The following CCDC40 variants were observed in gnomAD, a reference collection of about 807,000 sequenced individuals.
CCDC40 encodes the protein coiled-coil domain-containing protein 40.
CCDC40 carries 104 observed loss-of-function variants against 124.5 expected under a neutral mutation model. That is an observed-to-expected ratio of 0.84 (90% CI 0.71 to 0.98). The LOEUF (loss-of-function observed/expected upper bound fraction) is 0.98, where lower values mean the gene tolerates loss of function less well. CCDC40 is among the 50% of genes least tolerant of loss of function. The pLI is 0.00. For synonymous variants in CCDC40, 580 were observed against 602.9 expected (o/e 0.96, Z 0.56); for missense variants, 1,463 against 1,503.9 (o/e 0.97, Z 0.45).
intron 7 of CCDC40, among the ~76,000 whole-genome samples, chr17:80,054,207 A>G (rs961696506): frequency 1.3e-5 from 2 of 152,206 alleles, no homozygotes; most frequent in Non-Finnish European, 2.9e-5. Flanking sequence ...TTATCTGGCA[A>G]TAAAAAGGAG....
rs2037580927 is a variant in CCDC40, at chr17:80,051,284, A to T, written c.1159+1001A>T. 7.1e-6 allele frequency: 7 copies of T among 980,020 alleles called. No homozygotes were observed. The South Asian group carries it at 2.8e-4, about 40-fold the overall frequency. 60.7% of individuals were successfully genotyped at this position (980,020 alleles called of 1,614,324 possible). A position where few individuals can be genotyped will look rare whatever the true frequency, so the allele number is the denominator to read the frequency against. ...AAAGAAACATTTTAAACCCTGAGAA[A>T]AGTGGAAGAGGTTCTGGAAATTTCA... is the stretch of plus-strand genomic sequence containing the variant. On this transcript the variant is annotated intron_variant, in intron 7 of 19. Transcript: ENST00000397545.
intron 17 of CCDC40, among the ~76,000 whole-genome samples, chr17:80,094,247 GAAA>G (rs56368314): frequency 7.5e-6 from 1 of 133,592 alleles, no homozygotes; most frequent in Non-Finnish European, 1.6e-5. Context: ...TGTCTCTACT[GAAA>G]AAAAAAAAAA....
At chr17:80,075,758 C>T (rs1433813988) in intron 10 of CCDC40, among the ~76,000 whole-genome samples, 2 of 152,094 alleles carry the variant, frequency 1.3e-5, no homozygotes, top group Non-Finnish European at 2.9e-5. Context: ...AGATTACAGG[C>T]CTGAGCCACT....
Position 80,058,434 on chromosome 17 carries a change from G to A in CCDC40, c.1160-60G>A. ...CTTCCTCCTGGGTCTCTGCATGGGG[G>A]ACGCTGGGACAGCCTCCCCACTCAC... is the stretch of plus-strand genomic sequence containing the variant. On this transcript the variant is annotated intron_variant, in intron 7 of 19. Transcript: ENST00000397545. This position sits in a 1 kb window ranked among gnomAD's most constrained non-coding sequence, Gnocchi z 4.2. 6.5e-7 allele frequency: 1 copy of A among 1,531,070 alleles called. No individual in the cohort carries two copies. Among genetic ancestry groups the A allele is most frequent in the Non-Finnish European group, 9.0e-7 (1 of 1,109,856 alleles). The allele number at this position is 1,531,070 out of a possible 1,614,324, so 94.8% of individuals were successfully genotyped here. A position where few individuals can be genotyped will look rare whatever the true frequency, so the allele number is the denominator to read the frequency against.
At position 80,036,689 on chromosome 17, in the gene CCDC40, C is replaced by A; in HGVS notation, c.27C>A (p.Gly9=). 2 of 1,462,234 alleles carry A rather than the reference C, an allele frequency of 1.4e-6. No individual in the cohort carries two copies. Among genetic ancestry groups the A allele is most frequent in the Admixed American group, 2.4e-5 (1 of 42,224 alleles). The allele number at this position is 1,462,234 out of a possible 1,614,324, so 90.6% of individuals were successfully genotyped here. MAEPGGAA[G]RSHPEDGSAS... is the part of the protein sequence containing the mutation. Reference sequence around the variant, plus strand: ...TGGCGGAACCGGGCGGCGCGGCGGGCCGGTAAGCCGGGCCGAGGGGCAGCG... The same window carrying A: ...TGGCGGAACCGGGCGGCGCGGCGGGACGGTAAGCCGGGCCGAGGGGCAGCG... Residue 9 remains glycine, a splice_region_variant and synonymous_variant, in exon 1 of 20, where the codon GGC becomes GGA. Transcript: ENST00000397545.
Position 80,040,100 on chromosome 17 carries a change from G to C in CCDC40, c.382G>C (p.Ala128Pro), listed in dbSNP as rs990994373. Residue 128 changes from alanine (A) to proline (P), a missense_variant, in exon 3 of 20, where the codon GCA (alanine) becomes CCA (proline). Physicochemically the swap from Ala to Pro is conservative, Grantham distance 27. Transcript: ENST00000397545. ...SPPQELPGEE[A>P]YDSVSGEAGL... ...TCCTCAGGAACTGCCTGGAGAGGAG[G>C]CATACGATAGTGTTAGCGGGGAGGC... 1 of 1,614,156 alleles carries C rather than the reference G, an allele frequency of 6.2e-7. No homozygotes were observed. Among genetic ancestry groups the C allele is most frequent in the Admixed American group, 1.7e-5 (1 of 60,016 alleles).
In CCDC40 at chr17:80,051,721, TC is replaced by T. The variant is rs1360084992; in HGVS notation, c.1159+1440del. ...AACAGTAAAAGGAAAGAAAGTGACA[TC>T]CACACTGAACTGAAAGAGCCACATC... is the stretch of plus-strand genomic sequence containing the variant. On this transcript the variant is annotated intron_variant, in intron 7 of 19. Coordinates refer to ENST00000397545, the MANE Select transcript of CCDC40 (RefSeq NM_017950.4). Among the ~76,000 whole-genome samples the T allele has an allele frequency of 4.0e-3, 589 of 148,982 alleles. 4 individuals carry two copies. The highest frequency in any genetic ancestry group is 0.014 in the African/African-American group (574 of 40,806).
Position 80,039,971 on chromosome 17 carries a change from TC to T in CCDC40, c.255del (p.Tyr86MetfsTer81). ...AAVEGEEEAV[S>X]YGDAESEEEY... ...AGTGGAAGGGGAAGAGGAGGCTGTG[TC>T]CTATGGAGATGCTGAAAGCGAAGAG... On this transcript the variant is annotated frameshift_variant, in exon 3 of 20. Transcript: ENST00000397545. LOFTEE classifies it high-confidence loss of function. 1 of 1,613,898 alleles carries T rather than the reference TC, an allele frequency of 6.2e-7. No individual in the cohort carries two copies. Among genetic ancestry groups the T allele is most frequent in the Non-Finnish European group, 8.5e-7 (1 of 1,179,938 alleles).
intron 3 of CCDC40, among the ~76,000 whole-genome samples, chr17:80,041,563 G>T (rs148224541): frequency 6.6e-6 from 1 of 152,108 alleles, no homozygotes; most frequent in East Asian, 1.9e-4. Flanking sequence ...GAATGCTCAG[G>T]CCTCATTCAG....
intron 13 of CCDC40, 84 bp downstream of exon 13, chr17:80,085,072 G>A (rs1032254234): frequency 3.3e-6 from 5 of 1,533,044 alleles, no homozygotes; most frequent in Non-Finnish European, 4.4e-6. Context: ...CCCACGGTCA[G>A]ACATGAACTC....
chr17:80,087,164 C>T lies in CCDC40; in HGVS notation c.2450-443C>T, dbSNP rs2038603711. On this transcript the variant is annotated intron_variant, in intron 14 of 19. Transcript: ENST00000397545. The surrounding 1 kb of genome is among the most constrained non-coding windows in gnomAD (Gnocchi z 4.5). Reference sequence around the variant, plus strand: ...CCACCCATCTTAACATCAAGAAGAGCTGTTGTTTTCTGCCCCTACCCCTGA... The same window carrying T: ...CCACCCATCTTAACATCAAGAAGAGTTGTTGTTTTCTGCCCCTACCCCTGA... 2 of 251,746 alleles carry T rather than the reference C, an allele frequency of 7.9e-6. No individual in the cohort carries two copies. Among genetic ancestry groups the T allele is most frequent in the Non-Finnish European group, 1.6e-5 (2 of 126,588 alleles). The allele number at this position is 251,746 out of a possible 1,614,324, so 15.6% of individuals were successfully genotyped here. A position where few individuals can be genotyped will look rare whatever the true frequency, so the allele number is the denominator to read the frequency against.
At chr17:80,098,152 G>GC (rs2038845161) in intron 19 of CCDC40, among the ~76,000 whole-genome samples, 1 of 152,230 alleles carries the variant, frequency 6.6e-6, no homozygotes, top group Non-Finnish European at 1.5e-5. Flanking sequence ...GGACAGGACA[G>GC]CCCGGCAAGG....
At chr17:80,057,960 C>T (rs2037794700) in intron 7 of CCDC40, among the ~76,000 whole-genome samples, 1 of 152,132 alleles carries the variant, frequency 6.6e-6, no homozygotes, top group Non-Finnish European at 1.5e-5. Context: ...AGAGCACTGA[C>T]ATAAATCTGT....
At chr17:80,072,494 T>C (rs947087473) in intron 10 of CCDC40, among the ~76,000 whole-genome samples, 1 of 152,186 alleles carries the variant, frequency 6.6e-6, no homozygotes, top group Non-Finnish European at 1.5e-5. Context: ...TTGTCAAATT[T>C]AGACATTTAT....
intron 9 of CCDC40, 49 bp from the exon 10 acceptor site, chr17:80,065,436 G>A (rs777449542): frequency 3.7e-6 from 6 of 1,610,814 alleles, no homozygotes; most frequent in African/African-American, 2.7e-5. Flanking sequence ...GGCTTTGCTC[G>A]CAAATGAAAT....
chr17:80,056,889 C>A (rs1258668447), intron 7 of CCDC40, among the ~76,000 whole-genome samples: 1 of 150,846 alleles, frequency 6.6e-6, no homozygotes, highest in Non-Finnish European at 1.5e-5. Flanking sequence ...AAAAAAAATA[C>A]AATTACTCGG....
chr17:80,091,239 G>T (rs2038715571), intron 17 of CCDC40, among the ~76,000 whole-genome samples: 1 of 151,882 alleles, frequency 6.6e-6, no homozygotes. Context: ...TGTTGTTGGT[G>T]TTATTGTTTT....
chr17:80,068,398 G>A (rs1191867782), intron 10 of CCDC40, among the ~76,000 whole-genome samples: 2 of 152,160 alleles, frequency 1.3e-5, no homozygotes, highest in African/African-American at 4.8e-5. Flanking sequence ...ACAGAGATTT[G>A]CTGTTTGCAC....
At chr17:80,053,591 T>C (rs1446204940) in intron 7 of CCDC40, among the ~76,000 whole-genome samples, 1 of 152,070 alleles carries the variant, frequency 6.6e-6, no homozygotes, top group African/African-American at 2.4e-5. Flanking sequence ...TTGTGTTTTT[T>C]GTTTGTTTGT....
Sources: gnomAD v4.1 joint callset for allele counts (sites outside exome capture counted in the v4.1 genomes callset) on GRCh38, gnomAD v4.1.1 for gene constraint, Gnocchi (gnomAD v3.1) non-coding constraint, MANE v1.5 for transcripts, NCBI Gene and HGNC (gene_info 2026-07-23, HGNC 2026-07-21) for gene names.